Variants in PDIA6 observed in about 807,000 individuals in gnomAD.
PDIA6 encodes protein disulfide-isomerase A6.
PDIA6 carries 29 observed loss-of-function variants against 58.4 expected under a neutral mutation model. The ratio of observed to expected loss-of-function variants is 0.50; its 90% confidence interval spans 0.37 to 0.68. The LOEUF (loss-of-function observed/expected upper bound fraction) is 0.68. Ranked by LOEUF, PDIA6 falls within the 30% of genes least tolerant of loss-of-function variation. The pLI is 0.00. For synonymous variants in PDIA6, 192 were observed against 202.6 expected (o/e 0.95, Z 0.44); for missense variants, 480 against 551.0 (o/e 0.87, Z 1.29).
Position 10,785,206 on chromosome 2 carries a change from G to A in PDIA6, c.1158-176C>T, listed in dbSNP as rs188683452. On this transcript the variant is annotated intron_variant, in intron 11 of 12. Transcript: ENST00000272227. Reference sequence around the variant, plus strand: ...TGAGGACATTATCTTTTTAATCACGGACAACATTACAACCAGATTCAACAT... The same window carrying A: ...TGAGGACATTATCTTTTTAATCACGAACAACATTACAACCAGATTCAACAT... 10 of 568,108 alleles carry A rather than the reference G, an allele frequency of 1.8e-5. No individual in the cohort carries two copies. The Admixed American group carries it at 2.2e-4, about 13-fold the overall frequency. 35.2% of individuals were successfully genotyped at this position (568,108 alleles called of 1,614,324 possible). A position where few individuals can be genotyped will look rare whatever the true frequency, so the allele number is the denominator to read the frequency against.
intron 1 of PDIA6, chr2:10,832,132 C>T (rs1209772842): frequency 1.3e-5 from 2 of 149,910 alleles, no homozygotes; most frequent in African/African-American, 2.5e-5. Flanking sequence ...GTGAAATAGA[C>T]AACAATCCTG....
At chr2:10,830,643 G>T (rs1398335874) in intron 1 of PDIA6, among the ~76,000 whole-genome samples, 1 of 152,260 alleles carries the variant, frequency 6.6e-6, no homozygotes. Flanking sequence ...CAATTTTGTA[G>T]GAGATACTTA....
chr2:10,809,989 CTGT>C, intron 1 of PDIA6, among the ~76,000 whole-genome samples: 1 of 42,866 alleles, frequency 2.3e-5, no homozygotes, highest in Non-Finnish European at 8.3e-5. Context: ...ACTAGTATGA[CTGT>C]TTCAAGAGAA....
At chr2:10,784,835 G>A in intron 12 of PDIA6, 99 bp downstream of exon 12, 1 of 853,390 alleles carries the variant, frequency 1.2e-6, no homozygotes, top group Non-Finnish European at 1.9e-6. Context: ...CCAGGGCTGA[G>A]GTCTGATGGG....
chr2:10,820,844 C>T (rs1667363189), intron 1 of PDIA6: 1 of 702,880 alleles, frequency 1.4e-6, no homozygotes. Context: ...ACACAAGCTT[C>T]TCCCGGAGGT....
chr2:10,831,409 C>T lies in PDIA6; in HGVS notation c.-48+793G>A, dbSNP rs900743629. The stretch of plus-strand genomic sequence containing the variant: ...AGCGGCACTGGTCACATTACTTCTC[C>T]GGCTCCTTCTCCCTGTAAGCCTCTT... On this transcript the variant is annotated intron_variant, in intron 1 of 13. Coordinates refer to the PDIA6 transcript ENST00000381611. Among the ~76,000 whole-genome samples, 5 of 152,190 alleles carry T rather than the reference C, an allele frequency of 3.3e-5. No homozygotes were observed. The South Asian group carries it at 6.2e-4, about 19-fold the overall frequency.
At position 10,802,500 on chromosome 2, in the gene PDIA6, AT is replaced by A. The variant is rs1473257799; in HGVS notation, c.159del (p.Trp54GlyfsTer8). 2.9e-6 allele frequency: 4 copies of A among 1,377,172 alleles called. No homozygotes were observed. The highest frequency in any genetic ancestry group is 3.8e-6 in the Non-Finnish European group (4 of 1,054,628). The allele number at this position is 1,377,172 out of a possible 1,614,324, so 85.3% of individuals were successfully genotyped here. A position where few individuals can be genotyped will look rare whatever the true frequency, so the allele number is the denominator to read the frequency against. On this transcript the variant is annotated frameshift_variant and splice_region_variant, in exon 2 of 13. Transcript: ENST00000272227. LOFTEE classifies it high-confidence loss of function. ...CTACAACTATTTTATAATACTTACC[AT>A]GGAGCATAGAATTCTACAAGCCACA... is the stretch of plus-strand genomic sequence containing the variant. Reference protein sequence around the residue: ...DSLWLVEFYAPWCGHCQRLTP... With the variant: ...DSLWLVEFYAXWCGHCQRLTP...
At chr2:10,830,860 G>A (rs1470369485) in intron 1 of PDIA6, among the ~76,000 whole-genome samples, 1 of 152,200 alleles carries the variant, frequency 6.6e-6, no homozygotes, top group Non-Finnish European at 1.5e-5. Context: ...TGGTGGCTCA[G>A]GAGGCACACG....
At chr2:10,832,094 A>T (rs1439582671) in intron 1 of PDIA6, 1 of 151,742 alleles carries the variant, frequency 6.6e-6, no homozygotes, top group Non-Finnish European at 1.5e-5. Flanking sequence ...TTCCAGGCAC[A>T]ATTCGAGGTG....
intron 11 of PDIA6, among the ~76,000 whole-genome samples, chr2:10,785,353 A>C (rs1665669176): frequency 6.6e-6 from 1 of 152,240 alleles, no homozygotes; most frequent in South Asian, 2.1e-4. Context: ...GATCTAGAAC[A>C]TGGGCTGCCT....
chr2:10,789,980 A>AT (rs199881762), intron 7 of PDIA6, 91 bp from the exon 8 acceptor site: 15,827 of 825,634 alleles, frequency 0.019, 16 homozygotes, highest in African/African-American at 0.032. Context: ...CTTATAGGTA[A>AT]TTTTTTTTTT....
chr2:10,786,838 T>C (rs1665785093), intron 11 of PDIA6, among the ~76,000 whole-genome samples: 1 of 152,234 alleles, frequency 6.6e-6, no homozygotes, highest in Non-Finnish European at 1.5e-5. Context: ...TGCACATTGT[T>C]GGAGTAACTT....
chr2:10,832,395 C>A, exon 1 of PDIA6: 1 of 984,594 alleles, frequency 1.0e-6, no homozygotes, highest in Non-Finnish European at 1.2e-6. Context: ...TCGCCATCTA[C>A]GCCTCACAAA....
intron 2 of PDIA6, among the ~76,000 whole-genome samples, chr2:10,818,487 T>TA (rs1491190744): frequency 7.5e-4 from 54 of 72,318 alleles, no homozygotes; most frequent in African/African-American, 1.6e-3. Context: ...ATTTAATTTA[T>TA]TTATTTATTT....
upstream of PDIA6, among the ~76,000 whole-genome samples, chr2:10,834,136 T>G (rs139747869): frequency 2.2e-3 from 342 of 152,368 alleles, 5 homozygotes; most frequent in Admixed American, 5.9e-3. Flanking sequence ...TGGGGAAAGA[T>G]CCCAGTGAAT....
intron 1 of PDIA6, among the ~76,000 whole-genome samples, chr2:10,829,943 T>C (rs542219495): frequency 1.2e-4 from 19 of 152,352 alleles, no homozygotes; most frequent in Non-Finnish European, 2.4e-4. Flanking sequence ...GCTTGTCCTC[T>C]GTGCTCCCGC....
chr2:10,810,353 C>T (rs1031155873), intron 1 of PDIA6: 52 of 1,516,422 alleles, frequency 3.4e-5, no homozygotes, highest in South Asian at 5.0e-5. Flanking sequence ...TAGGTACTTT[C>T]ACTTCTCTTT....
At chr2:10,832,016 CAAAAAAAAA>C (rs59417410) in intron 1 of PDIA6, among the ~76,000 whole-genome samples, 1 of 81,364 alleles carries the variant, frequency 1.2e-5, no homozygotes, top group Non-Finnish European at 2.2e-5. Context: ...GACCCTGTCT[CAAAAAAAAA>C]AAAAAAAAAA....
At position 10,827,838 on chromosome 2, in the gene PDIA6, T is replaced by TAAA. The variant is rs754367171; in HGVS notation, c.-48+4363_-48+4364insTTT. On this transcript the variant is annotated intron_variant, in intron 1 of 13. Coordinates refer to the PDIA6 transcript ENST00000381611. Reference sequence around the variant, plus strand: ...GACTCTGTCTCAAAAAAAAAAAAATTTTTTTTTTCTTGCAATTCTTTAGAA... The same window carrying TAAA: ...GACTCTGTCTCAAAAAAAAAAAAATTAAATTTTTTTTCTTGCAATTCTTTAGAA... 3.5e-3 allele frequency among the ~76,000 whole-genome samples: 400 copies of TAAA among 113,148 alleles called. 6 individuals carry two copies. Among genetic ancestry groups the TAAA allele is most frequent in the East Asian group, 8.3e-3 (28 of 3,366 alleles). 74.2% of individuals were successfully genotyped at this position (113,148 alleles called of 152,430 possible).
Sources: gnomAD v4.1 joint callset for allele counts (sites outside exome capture counted in the v4.1 genomes callset) on GRCh38, gnomAD v4.1.1 for gene constraint, MANE v1.5 for transcripts, NCBI Gene and HGNC (gene_info 2026-07-23, HGNC 2026-07-21) for gene names.